Variants in CTNNA3 observed in about 807,000 individuals in gnomAD.
CTNNA3 encodes catenin alpha 3, also known as catenin alpha-3.
CTNNA3 carries 76 observed loss-of-function variants against 95.7 expected under a neutral mutation model. The ratio of observed to expected loss-of-function variants is 0.79; its 90% confidence interval spans 0.66 to 0.96. The LOEUF (loss-of-function observed/expected upper bound fraction) is 0.96. CTNNA3 is among the 40% of genes least tolerant of loss of function. The probability of loss-of-function intolerance (pLI) is 0.00; values close to 1 mark genes in which losing one functional copy is unlikely to be tolerated. For missense variants in CTNNA3, 1,191 were observed against 1,089.8 expected (o/e 1.09, Z -1.31); for synonymous variants, 431 against 374.4 (o/e 1.15, Z -1.74).
chr10:67,579,421 T>A (rs1842300130), intron 3 of CTNNA3, among the ~76,000 whole-genome samples: 1 of 152,124 alleles, frequency 6.6e-6, no homozygotes, highest in African/African-American at 2.4e-5. Flanking sequence ...CCATGGGGTA[T>A]ATGTGCCACA....
intron 12 of CTNNA3, among the ~76,000 whole-genome samples, chr10:66,313,449 C>G (rs1416045292): frequency 6.6e-6 from 1 of 152,190 alleles, no homozygotes; most frequent in Admixed American, 6.5e-5. Context: ...TTTTCAGACT[C>G]TAAAGCTGGG....
chr10:66,657,172 T>A (rs1454386781), intron 9 of CTNNA3, among the ~76,000 whole-genome samples: 2 of 152,118 alleles, frequency 1.3e-5, no homozygotes, highest in African/African-American at 4.8e-5. Flanking sequence ...TAAAAGAAGG[T>A]TCATGCCATA....
intron 7 of CTNNA3, among the ~76,000 whole-genome samples, chr10:67,143,012 T>C (rs1053548340): frequency 1.8e-4 from 28 of 152,252 alleles, no homozygotes; most frequent in African/African-American, 5.5e-4. Context: ...ATGGTGGCGG[T>C]TCTTGCCTTG....
chr10:67,669,509 G>A (rs1009878143), intron 1 of CTNNA3, among the ~76,000 whole-genome samples: 2 of 152,070 alleles, frequency 1.3e-5, no homozygotes, highest in Non-Finnish European at 2.9e-5. Context: ...AACAAACTGG[G>A]TTCAAATTCA....
At chr10:67,278,803 A>T (rs1839285316) in intron 5 of CTNNA3, among the ~76,000 whole-genome samples, 1 of 152,164 alleles carries the variant, frequency 6.6e-6, no homozygotes, top group Non-Finnish European at 1.5e-5. Flanking sequence ...TTTTGGGGTA[A>T]AACATTTTGA....
intron 9 of CTNNA3, among the ~76,000 whole-genome samples, chr10:66,639,996 A>T (rs767666016): frequency 6.6e-6 from 1 of 152,170 alleles, no homozygotes; most frequent in Admixed American, 6.5e-5. Context: ...AGCTACATAC[A>T]TGCAGATATA....
At chr10:66,379,774 T>G (rs2092822745) in intron 11 of CTNNA3, among the ~76,000 whole-genome samples, 1 of 152,126 alleles carries the variant, frequency 6.6e-6, no homozygotes, top group Non-Finnish European at 1.5e-5. Flanking sequence ...AAAGATGGAT[T>G]TAAACAAATG....
At chr10:67,222,930 C>G (rs1210012215) in intron 5 of CTNNA3, among the ~76,000 whole-genome samples, 2 of 152,136 alleles carry the variant, frequency 1.3e-5, no homozygotes, top group Admixed American at 6.5e-5. Flanking sequence ...AATGTGTAAT[C>G]TGATGGTAAA....
intron 15 of CTNNA3, among the ~76,000 whole-genome samples, chr10:66,017,679 A>G (rs992365088): frequency 6.6e-6 from 1 of 152,124 alleles, no homozygotes; most frequent in South Asian, 2.1e-4. Context: ...TTTAGGATGG[A>G]TCATCCTAAA....
rs533979484 is a variant in CTNNA3 at position 66,750,790 on chromosome 10, A to G, written c.1281+15474T>C. On this transcript the variant is annotated intron_variant, in intron 9 of 17. Transcript: ENST00000433211. Reference sequence around the variant, plus strand: ...TGTATTGAGATTGCATTGAATCTATAAAGTTGTGAAGAAGTGACATGTTTG... The same window carrying G: ...TGTATTGAGATTGCATTGAATCTATGAAGTTGTGAAGAAGTGACATGTTTG... 2.0e-5 allele frequency among the ~76,000 whole-genome samples: 3 copies of G among 152,316 alleles called. No homozygotes were observed. In the East Asian group the frequency reaches 5.8e-4, roughly 29 times the overall value.
intron 3 of CTNNA3, among the ~76,000 whole-genome samples, chr10:67,604,119 A>G (rs1843177020): frequency 6.6e-6 from 1 of 152,230 alleles, no homozygotes; most frequent in African/African-American, 2.4e-5. Context: ...TGTGTTGTAG[A>G]CTATGCCATC....
intron 7 of CTNNA3, chr10:66,926,929 G>A: frequency 1.3e-6 from 2 of 1,563,538 alleles, no homozygotes; most frequent in Admixed American, 2.1e-5. Context: ...AGGTTTCAAT[G>A]TAATTAGGCT....
At chr10:66,124,150 C>A (rs567722110) in intron 13 of CTNNA3, among the ~76,000 whole-genome samples, 34 of 152,270 alleles carry the variant, frequency 2.2e-4, no homozygotes, top group African/African-American at 7.7e-4. Flanking sequence ...AACTGAATGC[C>A]TTTAACAGCA....
At chr10:66,073,941 C>A (rs991244525) in intron 14 of CTNNA3, among the ~76,000 whole-genome samples, 1 of 152,002 alleles carries the variant, frequency 6.6e-6, no homozygotes, top group African/African-American at 2.4e-5. Flanking sequence ...AATCCATGCA[C>A]CTACACTCAT....
rs147994731 is a variant in CTNNA3, at chr10:66,766,446, T to C, written c.1129-30A>G. 7.9e-4 allele frequency: 1,247 copies of C among 1,575,230 alleles called. 7 individuals carry two copies. The African/African-American group carries it at 0.015, about 19-fold the overall frequency. On this transcript the variant is annotated intron_variant, in intron 8 of 17. Transcript: ENST00000433211. The stretch of plus-strand genomic sequence containing the variant: ...GAAGAAATGAAAAATTCAGGTTTTT[T>C]TTTTCCAGGAAATAGTTCACTGTGT...
At chr10:66,007,059 C>G (rs1451042259) in intron 15 of CTNNA3, among the ~76,000 whole-genome samples, 2 of 152,236 alleles carry the variant, frequency 1.3e-5, no homozygotes, top group East Asian at 3.9e-4. Context: ...AGCTATAGGT[C>G]ATTAAATTTT....
chr10:66,717,893 T>C (rs1848503883), intron 9 of CTNNA3, among the ~76,000 whole-genome samples: 1 of 152,214 alleles, frequency 6.6e-6, no homozygotes, highest in Non-Finnish European at 1.5e-5. Context: ...ACCTCTGCCC[T>C]TATGAACCCA....
intron 5 of CTNNA3, among the ~76,000 whole-genome samples, chr10:67,259,791 C>T (rs774158604): frequency 2.8e-4 from 42 of 152,072 alleles, no homozygotes; most frequent in Non-Finnish European, 8.8e-5. Flanking sequence ...CTGATTCTGC[C>T]TCTTTTCTAC....
chr10:67,485,616 G>C (rs1848416503), intron 5 of CTNNA3, among the ~76,000 whole-genome samples: 1 of 152,178 alleles, frequency 6.6e-6, no homozygotes, highest in Non-Finnish European at 1.5e-5. Context: ...GTGGAAGTTA[G>C]ACCCAGTGAT....
Sources: allele counts gnomAD v4.1 joint callset (sites outside exome capture counted in the v4.1 genomes callset), GRCh38; gene constraint gnomAD v4.1.1; transcripts MANE v1.5; gene names NCBI Gene and HGNC (gene_info 2026-07-23, HGNC 2026-07-21).